The following RAET1G variants were observed in gnomAD, a reference collection of about 807,000 sequenced individuals.
RAET1G encodes UL-16 binding protein 5.
In RAET1G, 25 loss-of-function variants were observed where a neutral mutation model predicts 29.5. The observed-to-expected ratio is 0.85, with a 90% confidence interval of 0.62 to 1.18. The LOEUF is 1.18. Among genes scored for constraint, RAET1G ranks in the 50% most tolerant of loss-of-function variants. The pLI, the probability that RAET1G is intolerant of heterozygous loss-of-function variation, is 0.00. For missense variants in RAET1G, 434 were observed against 423.6 expected (o/e 1.02, Z -0.22); for synonymous variants, 167 against 159.5 (o/e 1.05, Z -0.36).
At position 149,919,687 on chromosome 6, in the gene RAET1G, G is replaced by A. The variant is rs368630707; in HGVS notation, c.215C>T (p.Thr72Ile). The change falls in exon 2 of 5, where the codon ACA becomes ATA. Residue 72 changes from threonine (T) to isoleucine (I), a missense_variant. Thr to Ile is a moderately conservative substitution (Grantham distance 89). Transcript: ENST00000367360. ...LHYDCGSKTV[T>I]PVSPLGKKLN... is the part of the protein sequence containing the mutation. ...TTTCTTCCCCAGGGGACTGACGGGT[G>A]TGACTGTCTTGCTGCCACAGTCATA... 6.2e-6 allele frequency: 10 copies of A among 1,613,904 alleles called. No individual in the cohort carries two copies. Among genetic ancestry groups the A allele is most frequent in the African/African-American group, 2.7e-5 (2 of 74,932 alleles).
chr6:149,921,430 A>G (rs1483248089), intron 1 of RAET1G, among the ~76,000 whole-genome samples: 2 of 151,746 alleles, frequency 1.3e-5, no homozygotes, highest in African/African-American at 4.8e-5. Flanking sequence ...AAGGGCCGTG[A>G]CCATCCAGCC....
intron 2 of RAET1G, 64 bp downstream of exon 2, chr6:149,919,489 C>G: frequency 6.2e-7 from 1 of 1,613,726 alleles, no homozygotes; most frequent in Non-Finnish European, 8.5e-7. Context: ...TACATGAAAA[C>G]TATAAATGCC....
In RAET1G at chr6:149,919,158, C is replaced by T; in HGVS notation, c.516G>A (p.Trp172Ter). 6.2e-7 allele frequency: 1 copy of T among 1,614,174 alleles called. No individual in the cohort carries two copies. Among genetic ancestry groups the T allele is most frequent in the Non-Finnish European group, 8.5e-7 (1 of 1,180,038 alleles). ...HPGARKMKEK[W>*]ENDKDMTMSF... ...ACATGGTCATATCCTTGTCATTCTC[C>T]CACTTTTCTTTCATCTTTCTGGCTC... The change falls in exon 3 of 5, where the codon TGG becomes TGA. Residue 172 changes from tryptophan to a stop codon, truncating the protein, a stop_gained. Coordinates refer to ENST00000367360, the MANE Select transcript of RAET1G (RefSeq NM_001001788.4). LOFTEE classifies it high-confidence loss of function.
chr6:149,919,504 A>G (rs1582799840), intron 2 of RAET1G, 49 bp downstream of exon 2: 1 of 1,613,880 alleles, frequency 6.2e-7, no homozygotes, highest in East Asian at 2.2e-5. Context: ...AATGCCTCTA[A>G]CCTACCACTG....
At chr6:149,920,600 G>T (rs1449473499) in intron 1 of RAET1G, among the ~76,000 whole-genome samples, 1 of 152,152 alleles carries the variant, frequency 6.6e-6, no homozygotes, top group Non-Finnish European at 1.5e-5. Flanking sequence ...TGAAGGCCAG[G>T]GTTGGGGGTA....
Position 149,919,109 on chromosome 6 carries a change from C to T in RAET1G, c.565G>A (p.Asp189Asn), listed in dbSNP as rs370884991. Reference sequence around the variant, plus strand: ...AAGTCCTCAAGCCATCCTGTGCAGTCTCCCATTGAGATGTAATGGAAGGAC... The same window carrying T: ...AAGTCCTCAAGCCATCCTGTGCAGTTTCCCATTGAGATGTAATGGAAGGAC... ...TMSFHYISMG[D>N]CTGWLEDFLM... Residue 189 changes from aspartate (D) to asparagine (N), a missense_variant, in exon 3 of 5, where the codon GAC becomes AAC. Physicochemically the swap from Asp to Asn is conservative, Grantham distance 23 (BLOSUM62 1). Coordinates refer to ENST00000367360, the MANE Select transcript of RAET1G (RefSeq NM_001001788.4). 1 of 1,614,198 alleles carries T rather than the reference C, an allele frequency of 6.2e-7. No homozygotes were observed. The highest frequency in any genetic ancestry group is 8.5e-7 in the Non-Finnish European group (1 of 1,180,036).
At chr6:149,922,879 C>A (rs1423725096) in intron 1 of RAET1G, 47 bp downstream of exon 1, 18 of 1,395,766 alleles carry the variant, frequency 1.3e-5, no homozygotes, top group Non-Finnish European at 1.6e-5. Context: ...GTCCACAGCC[C>A]CCCACGGTTG....
chr6:149,919,283 C>T lies in RAET1G; in HGVS notation c.391G>A (p.Ala131Thr), dbSNP rs746596453. 4 of 1,614,214 alleles carry T rather than the reference C, an allele frequency of 2.5e-6. No individual in the cohort carries two copies. Among genetic ancestry groups the T allele is most frequent in the Non-Finnish European group, 3.4e-6 (4 of 1,180,024 alleles). ...LQARMSCEQKAEGHGSGSWQL... is the reference protein window; with the variant it reads ...LQARMSCEQKTEGHGSGSWQL... ...CAAGATCCACTGCCGTGTCCTTCGG[C>T]TTTCTGCTCACAAGACATCCTGGCC... The change falls in exon 3 of 5, where the codon GCC (alanine) becomes ACC (threonine). Residue 131 changes from alanine (A) to threonine (T), a missense_variant. By Grantham distance (58) the Ala-to-Thr change is moderately conservative. Coordinates refer to ENST00000367360, the MANE Select transcript of RAET1G (RefSeq NM_001001788.4).
intron 4 of RAET1G, 144 bp from the exon 5 acceptor site, chr6:149,917,218 G>A (rs1340130575): frequency 8.9e-6 from 11 of 1,235,924 alleles, no homozygotes; most frequent in South Asian, 7.0e-5. Context: ...GACCAGGAGC[G>A]TGACCCTGAA....
intron 1 of RAET1G, among the ~76,000 whole-genome samples, chr6:149,920,986 G>A (rs1582801620): frequency 2.6e-5 from 4 of 152,340 alleles, no homozygotes; most frequent in African/African-American, 9.6e-5. Flanking sequence ...CCCATGACTA[G>A]AAGAAGACAC....
intron 1 of RAET1G, 121 bp downstream of exon 1, chr6:149,922,805 G>C (rs1207095038): frequency 1.6e-6 from 1 of 642,130 alleles, no homozygotes; most frequent in Admixed American, 3.3e-5. Flanking sequence ...GAAACTGAGC[G>C]GGGGCGCAGT....
intron 1 of RAET1G, among the ~76,000 whole-genome samples, chr6:149,922,678 G>T (rs1364900935): frequency 6.6e-6 from 1 of 152,194 alleles, no homozygotes; most frequent in Non-Finnish European, 1.5e-5. Context: ...GCCCTCTGCA[G>T]CCCTCTGGCC....
intron 4 of RAET1G, 39 bp downstream of exon 4, chr6:149,918,135 C>T: frequency 6.3e-7 from 1 of 1,577,448 alleles, no homozygotes; most frequent in Non-Finnish European, 8.7e-7. Context: ...CCTCCTCACC[C>T]ACCTGCCCTT....
intron 1 of RAET1G, among the ~76,000 whole-genome samples, chr6:149,920,516 C>T (rs1254405456): frequency 6.6e-6 from 1 of 152,086 alleles, no homozygotes; most frequent in Non-Finnish European, 1.5e-5. Flanking sequence ...TGGAGGACTC[C>T]TGTTTACCTG....
chr6:149,918,654 G>C (rs1778512336), intron 3 of RAET1G: 1 of 605,502 alleles, frequency 1.7e-6, no homozygotes, highest in Admixed American at 3.0e-5. Flanking sequence ...CCAGGGTGCG[G>C]GAGGGGAGGG....
chr6:149,917,968 C>G (rs1300326435), intron 4 of RAET1G, among the ~76,000 whole-genome samples: 1 of 152,234 alleles, frequency 6.6e-6, no homozygotes, highest in Admixed American at 6.5e-5. Context: ...GCCTTTCCCT[C>G]TGGCCTTTGA....
chr6:149,921,581 G>A (rs1778601783), intron 1 of RAET1G, among the ~76,000 whole-genome samples: 1 of 152,158 alleles, frequency 6.6e-6, no homozygotes, highest in African/African-American at 2.4e-5. Flanking sequence ...CAAGCAGTTG[G>A]CCCCGATTCC....
intron 1 of RAET1G, among the ~76,000 whole-genome samples, chr6:149,921,807 A>T (rs1270465805): frequency 6.6e-6 from 1 of 152,110 alleles, no homozygotes; most frequent in East Asian, 1.9e-4. Context: ...GACACCTGAG[A>T]CACCACTTGG....
chr6:149,919,759 C>G lies in RAET1G; in HGVS notation c.143G>C (p.Arg48Pro), dbSNP rs143404631. Residue 48 changes from arginine to proline, a missense_variant, in exon 2 of 5, where the codon CGG becomes CCG. Physicochemically the swap from Arg to Pro is moderately radical, Grantham distance 103. Transcript: ENST00000367360. ...TVIPKFRPGP[R>P]WCAVQGQVDE... ...CACCTGGCCTTGAACCGCACACCAC[C>G]GTGGTCCAGGTCTGAACTTAGGGAT... The G allele has an allele frequency of 1.9e-6, 3 of 1,612,502 alleles. No homozygotes were observed. In the African/African-American group the frequency reaches 4.0e-5, roughly 22 times the overall value.
Sources: gnomAD v4.1 joint callset for allele counts (sites outside exome capture counted in the v4.1 genomes callset) on GRCh38, gnomAD v4.1.1 for gene constraint, MANE v1.5 for transcripts, NCBI Gene and HGNC (gene_info 2026-07-23, HGNC 2026-07-21) for gene names.